The following CNTNAP1 variants were observed in gnomAD, a reference collection of about 807,000 sequenced individuals.
CNTNAP1 encodes contactin associated protein 1, also known as contactin-associated protein 1.
Under a neutral mutation model 161.5 loss-of-function variants are expected in CNTNAP1, and 80 were observed. That is an observed-to-expected ratio of 0.50 (90% CI 0.41 to 0.60). CNTNAP1 has a LOEUF of 0.60. Ranked by LOEUF, CNTNAP1 falls within the 20% of genes least tolerant of loss-of-function variation. The pLI, the probability that CNTNAP1 is intolerant of heterozygous loss-of-function variation, is 0.00. For synonymous variants in CNTNAP1, 695 were observed against 733.1 expected, an observed-to-expected ratio of 0.95 and a Z score of 0.84; for missense variants, 1,464 against 1,854.8, an observed-to-expected ratio of 0.79 and a Z score of 3.87.
In CNTNAP1 at chr17:42,693,491, T is replaced by C. The variant is rs1343715972; in HGVS notation, c.2947T>C (p.Cys983Arg). The stretch of plus-strand genomic sequence containing the variant: ...CGTGGAGCGCTATAGCTACTACACG[T>C]GTGACTGTGACCTCACGGCTTTTGA... Reference protein sequence around the residue: ...RCVERYSYYTCDCDLTAFDGP... With the variant: ...RCVERYSYYTRDCDLTAFDGP... Residue 983 changes from cysteine (C) to arginine (R), a missense_variant, in exon 18 of 24, where the codon TGT becomes CGT. Cys to Arg is a radical substitution (Grantham distance 180). This residue lies in a region of CNTNAP1 where 1,383 missense variants were observed against 1,765.0 expected (regional missense o/e 0.78). Coordinates refer to ENST00000264638, the MANE Select transcript of CNTNAP1 (RefSeq NM_003632.3). 6.2e-7 allele frequency: 1 copy of C among 1,614,182 alleles called. No individual in the cohort carries two copies. The highest frequency in any genetic ancestry group is 1.7e-5 in the Admixed American group (1 of 60,030).
chr17:42,697,576 G>A lies in CNTNAP1; in HGVS notation c.3591G>A (p.Glu1197=). The A allele has an allele frequency of 6.2e-7, 1 of 1,614,060 alleles. No individual in the cohort carries two copies. The highest frequency in any genetic ancestry group is 8.5e-7 in the Non-Finnish European group (1 of 1,179,998). Residue 1197 remains glutamate, a synonymous_variant, in exon 22 of 24, where the codon GAG becomes GAA. Coordinates refer to ENST00000264638, the MANE Select transcript of CNTNAP1 (RefSeq NM_003632.3). ...CAGAGACAGGAGTCATTGACCCGGA[G>A]ATCCAGCGCTACAACACCCCAGGTT... is the stretch of plus-strand genomic sequence containing the variant. ...RVMETGVIDP[E]IQRYNTPGFS... is the part of the protein sequence containing the mutation.
At chr17:42,694,715 T>C (rs900074892) in intron 18 of CNTNAP1, among the ~76,000 whole-genome samples, 3 of 152,114 alleles carry the variant, frequency 2.0e-5, no homozygotes, top group Non-Finnish European at 4.4e-5. Context: ...ATGTATTTGA[T>C]GATTGCTGCA....
chr17:42,697,495 G>T, intron 21 of CNTNAP1, 59 bp from the exon 22 acceptor site: 2 of 1,610,642 alleles, frequency 1.2e-6, no homozygotes, highest in Non-Finnish European at 1.7e-6. Flanking sequence ...CCTGTGGACA[G>T]TGAGAGTGGC....
intron 16 of CNTNAP1, among the ~76,000 whole-genome samples, chr17:42,692,287 A>G (rs933126036): frequency 6.6e-6 from 1 of 152,166 alleles, no homozygotes; most frequent in Non-Finnish European, 1.5e-5. Context: ...TGAGGCTGGG[A>G]AGCTGGCTTC....
chr17:42,696,452 C>A (rs1351913468), intron 20 of CNTNAP1, among the ~76,000 whole-genome samples: 1 of 151,514 alleles, frequency 6.6e-6, no homozygotes, highest in African/African-American at 2.4e-5. Context: ...GCCTCCCGAG[C>A]AGCTGAGATT....
At position 42,697,667 on chromosome 17, in the gene CNTNAP1, C is replaced by T. The variant is rs764160554; in HGVS notation, c.3682C>T (p.Pro1228Ser). The T allele has an allele frequency of 6.8e-6, 11 of 1,614,174 alleles. No homozygotes were observed. The South Asian group carries it at 8.8e-5, about 13-fold the overall frequency. Residue 1228 changes from proline to serine, a missense_variant, in exon 22 of 24, where the codon CCT (proline) becomes TCT (serine). Physicochemically the swap from Pro to Ser is moderately conservative, Grantham distance 74 (BLOSUM62 -1). Transcript: ENST00000264638. ...VAPLKTHFRT[P>S]RPMTAELAEA... ...TCCCCTCAAGACCCACTTCCGAACCCCTCGACCCATGACTGCTGAGCTAGC... is the reference window on the plus strand; with the variant it reads ...TCCCCTCAAGACCCACTTCCGAACCTCTCGACCCATGACTGCTGAGCTAGC...
intron 9 of CNTNAP1, 23 bp from the exon 10 acceptor site, chr17:42,688,853 T>A (rs1567972056): frequency 6.2e-7 from 1 of 1,613,050 alleles, no homozygotes; most frequent in Non-Finnish European, 8.5e-7. Flanking sequence ...CTGGGGAGGA[T>A]CTCACAGGGG....
At position 42,693,472 on chromosome 17, in the gene CNTNAP1, G is replaced by A. The variant is rs1489166564; in HGVS notation, c.2928G>A (p.Glu976=). Residue 976 remains glutamate, a synonymous_variant, in exon 18 of 24, where the codon GAG becomes GAA. Transcript: ENST00000264638. ...LPCFHGGRCV[E]RYSYYTCDCD... is the part of the protein sequence containing the mutation. ...GTTTCCATGGAGGCCGCTGCGTGGA[G>A]CGCTATAGCTACTACACGTGTGACT... 14 of 1,614,224 alleles carry A rather than the reference G, an allele frequency of 8.7e-6. No individual in the cohort carries two copies. Among genetic ancestry groups the A allele is most frequent in the Admixed American group, 1.7e-5 (1 of 60,030 alleles).
chr17:42,689,499 T>C, intron 10 of CNTNAP1, 22 bp from the exon 11 acceptor site: 1 of 1,597,852 alleles, frequency 6.3e-7, no homozygotes, highest in African/African-American at 1.3e-5. Context: ...GCTCCTTCCC[T>C]TGGTCCTGAC....
At chr17:42,683,981 T>G (rs1006310411) in intron 2 of CNTNAP1, 55 bp from the exon 3 acceptor site, 2 of 1,612,992 alleles carry the variant, frequency 1.2e-6, no homozygotes, top group African/African-American at 2.7e-5. Context: ...GGTGGGGGCC[T>G]CCGGAGGACT....
rs1224177505 is a variant in CNTNAP1 at position 42,691,902 on chromosome 17, G to A, written c.2441G>A (p.Arg814Lys). The A allele has an allele frequency of 1.2e-6, 2 of 1,614,028 alleles. No homozygotes were observed. Among genetic ancestry groups the A allele is most frequent in the East Asian group, 2.2e-5 (1 of 44,886 alleles). The change falls in exon 16 of 24, where the codon AGG becomes AAG. Residue 814 changes from arginine to lysine, a missense_variant. By Grantham distance (26) the Arg-to-Lys change is conservative. Coordinates refer to ENST00000264638, the MANE Select transcript of CNTNAP1 (RefSeq NM_003632.3). The surrounding 1 kb of genome is among the most constrained non-coding windows in gnomAD (Gnocchi z 4.3). The part of the protein sequence containing the change: ...NHSLDVSFYF[R>K]TSAPSGVFLE... ...AGCCTGGATGTCTCCTTCTACTTCA[G>A]GACCTCTGCTCCCTCGGGGGTCTTC...
chr17:42,694,801 A>G (rs1277887989), intron 18 of CNTNAP1, among the ~76,000 whole-genome samples: 1 of 152,192 alleles, frequency 6.6e-6, no homozygotes, highest in African/African-American at 2.4e-5. Context: ...TCCTACACAC[A>G]TGCCAAGACT....
intron 1 of CNTNAP1, 83 bp downstream of exon 1, chr17:42,682,979 G>A: frequency 1.5e-6 from 2 of 1,295,124 alleles, no homozygotes; most frequent in Non-Finnish European, 2.1e-6. Context: ...ATTGCGGCTG[G>A]GTGGTCGCGG....
At chr17:42,688,815 C>A in intron 9 of CNTNAP1, 61 bp from the exon 10 acceptor site, 1 of 1,596,066 alleles carries the variant, frequency 6.3e-7, no homozygotes, top group Non-Finnish European at 8.6e-7. Flanking sequence ...CTCAGCATGT[C>A]CCTGGGGGAG....
rs2053149171 is a variant in CNTNAP1 at position 42,696,115 on chromosome 17, TCAATATCAC to T, written c.3439_3447del (p.Asn1147_Thr1149del). The stretch of plus-strand genomic sequence containing the variant: ...GTGACCGATGGCCAGCCCCATAGCA[TCAATATCAC>T]CCGTGTTTACCGGAACCTCTTCATC... On this transcript the variant is annotated inframe_deletion, in exon 20 of 24. Transcript: ENST00000264638. 1.2e-6 allele frequency: 2 copies of T among 1,614,006 alleles called. No homozygotes were observed. The highest frequency in any genetic ancestry group is 2.7e-5 in the African/African-American group (2 of 74,910).
intron 23 of CNTNAP1, 81 bp from the exon 24 acceptor site, chr17:42,698,537 G>C (rs2053182116): frequency 1.3e-6 from 1 of 775,122 alleles, no homozygotes; most frequent in Non-Finnish European, 1.8e-6. Context: ...AAGAGTGCGT[G>C]TGTGTGTGTG....
At position 42,687,228 on chromosome 17, in the gene CNTNAP1, G is replaced by A. The variant is rs1261003830; in HGVS notation, c.1044+182G>A. The A allele has an allele frequency of 1.4e-6, 1 of 727,910 alleles. No individual in the cohort carries two copies. The highest frequency in any genetic ancestry group is 2.7e-5 in the East Asian group (1 of 36,460). 45.1% of individuals were successfully genotyped at this position (727,910 alleles called of 1,614,324 possible). A position where few individuals can be genotyped will look rare whatever the true frequency, so the allele number is the denominator to read the frequency against. On this transcript the variant is annotated intron_variant, in intron 7 of 23. Transcript: ENST00000264638. The surrounding 1 kb of genome is among the most constrained non-coding windows in gnomAD (Gnocchi z 4.7). ...GGTGCATGAGCCACGCAGGCCCCTA[G>A]TTAAGAAGCAGTGGTCGGGTCCAAT...
At chr17:42,690,240 G>A (rs927674541) in intron 12 of CNTNAP1, 33 bp downstream of exon 12, 4 of 1,612,492 alleles carry the variant, frequency 2.5e-6, no homozygotes, top group Non-Finnish European at 3.4e-6. Context: ...GAGGGGGTGA[G>A]GGGAGAACCA....
intron 21 of CNTNAP1, 85 bp downstream of exon 21, chr17:42,697,452 T>C: frequency 1.2e-6 from 2 of 1,607,048 alleles, no homozygotes; most frequent in Admixed American, 1.7e-5. Context: ...GCCCTGGGAA[T>C]GGCTGAGGGC....
Sources: gnomAD v4.1 joint callset for allele counts (sites outside exome capture counted in the v4.1 genomes callset) on GRCh38, gnomAD v4.1.1 for gene constraint, gnomAD v4.1.1 regional missense constraint, Gnocchi (gnomAD v3.1) non-coding constraint, MANE v1.5 for transcripts, NCBI Gene and HGNC (gene_info 2026-07-23, HGNC 2026-07-21) for gene names.